Variants in TACR1 observed in about 807,000 individuals in gnomAD.
The protein encoded by TACR1 is tachykinin receptor 1, also known as substance-P receptor.
TACR1 carries 25 observed loss-of-function variants against 35.8 expected under a neutral mutation model. That is an observed-to-expected ratio of 0.70 (90% CI 0.51 to 0.98). TACR1 has a LOEUF of 0.98. Among genes scored for constraint, TACR1 ranks in the 50% least tolerant of loss-of-function variants. The probability of loss-of-function intolerance (pLI) is 0.00; values close to 1 mark genes in which losing one functional copy is unlikely to be tolerated. For synonymous variants in TACR1, 195 were observed against 206.7 expected (o/e 0.94, Z 0.48); for missense variants, 478 against 522.9 (o/e 0.91, Z 0.84).
At chr2:75,151,003 A>G (rs1674657566) in intron 1 of TACR1, among the ~76,000 whole-genome samples, 1 of 152,222 alleles carries the variant, frequency 6.6e-6, no homozygotes, top group Non-Finnish European at 1.5e-5. Context: ...TGGAACTTTG[A>G]ACTTGAAAGA....
intron 1 of TACR1, among the ~76,000 whole-genome samples, chr2:75,176,301 A>C (rs1342214364): frequency 2.0e-5 from 3 of 151,294 alleles, no homozygotes; most frequent in Non-Finnish European, 4.4e-5. Context: ...AATTTTTTTC[A>C]TTATAGTAAA....
At chr2:75,151,168 C>A (rs1558570563) in intron 1 of TACR1, among the ~76,000 whole-genome samples, 1 of 152,188 alleles carries the variant, frequency 6.6e-6, no homozygotes, top group Non-Finnish European at 1.5e-5. Flanking sequence ...AAGAAAAACT[C>A]ATTTTCTGGG....
In TACR1 at chr2:75,183,520, G is replaced by A. The variant is rs184712698; in HGVS notation, c.389+15026C>T. On this transcript the variant is annotated intron_variant, in intron 1 of 4. Coordinates refer to ENST00000305249, the MANE Select transcript of TACR1 (RefSeq NM_001058.4). Reference sequence around the variant, plus strand: ...TTGCTATACTGTGCTTATCTGTTACGTTTCCCTGGGTTTTGTCAACATCTG... The same window carrying A: ...TTGCTATACTGTGCTTATCTGTTACATTTCCCTGGGTTTTGTCAACATCTG... Among the ~76,000 whole-genome samples, 192 of 152,224 alleles carry A rather than the reference G, an allele frequency of 1.3e-3. 1 individual carries two copies. The highest frequency in any genetic ancestry group is 3.4e-3 in the Middle Eastern group (1 of 294).
intron 2 of TACR1, among the ~76,000 whole-genome samples, chr2:75,111,697 G>T (rs1433072871): frequency 2.6e-5 from 4 of 151,934 alleles, no homozygotes; most frequent in Non-Finnish European, 4.4e-5. Flanking sequence ...AACAGAAAAA[G>T]TCAGAATAGG....
intron 1 of TACR1, among the ~76,000 whole-genome samples, chr2:75,124,157 T>G (rs751998880): frequency 1.3e-5 from 2 of 152,180 alleles, no homozygotes; most frequent in African/African-American, 2.4e-5. Context: ...CAGGACTGAT[T>G]TGAATTGTAT....
intron 2 of TACR1, among the ~76,000 whole-genome samples, chr2:75,075,486 G>C (rs1481445840): frequency 2.0e-5 from 3 of 152,210 alleles, no homozygotes; most frequent in Non-Finnish European, 2.9e-5. Flanking sequence ...TAATGCTTTA[G>C]TTCACAAGAT....
At chr2:75,087,463 A>G (rs565580830) in intron 2 of TACR1, among the ~76,000 whole-genome samples, 1 of 152,332 alleles carries the variant, frequency 6.6e-6, no homozygotes, top group East Asian at 1.9e-4. Context: ...GATGGTTGCA[A>G]ACAACAATCA....
chr2:75,188,919 A>C (rs568056586), intron 1 of TACR1: 2 of 152,364 alleles, frequency 1.3e-5, no homozygotes, highest in African/African-American at 4.8e-5. Context: ...AATAGGATAC[A>C]TCCAGAAAAA....
At chr2:75,143,882 T>C (rs1321898377) in intron 1 of TACR1, among the ~76,000 whole-genome samples, 1 of 152,146 alleles carries the variant, frequency 6.6e-6, no homozygotes, top group Non-Finnish European at 1.5e-5. Flanking sequence ...TCTGTGCATA[T>C]GAAGGAAAAG....
intron 2 of TACR1, among the ~76,000 whole-genome samples, chr2:75,103,385 G>C (rs913104264): frequency 6.6e-6 from 1 of 152,038 alleles, no homozygotes; most frequent in African/African-American, 2.4e-5. Flanking sequence ...TCGAATCCCT[G>C]TAAGTATGGA....
intron 2 of TACR1, among the ~76,000 whole-genome samples, chr2:75,111,008 G>T (rs1673739186): frequency 6.6e-6 from 1 of 151,828 alleles, no homozygotes; most frequent in Non-Finnish European, 1.5e-5. Context: ...ACATTATTTG[G>T]AATATAATTT....
chr2:75,193,781 T>A (rs1675904967), intron 1 of TACR1, among the ~76,000 whole-genome samples: 1 of 152,212 alleles, frequency 6.6e-6, no homozygotes, highest in African/African-American at 2.4e-5. Context: ...TTGTCTCCTA[T>A]GGAATATATC....
At chr2:75,163,262 G>C (rs1467958912) in intron 1 of TACR1, among the ~76,000 whole-genome samples, 1 of 152,198 alleles carries the variant, frequency 6.6e-6, no homozygotes, top group Non-Finnish European at 1.5e-5. Flanking sequence ...GTCAGGGTTT[G>C]TCTATGGCAA....
intron 1 of TACR1, among the ~76,000 whole-genome samples, chr2:75,152,890 CT>C (rs1172399081): frequency 3.9e-5 from 6 of 152,114 alleles, no homozygotes; most frequent in Admixed American, 6.5e-5. Flanking sequence ...GGGGCCAAGA[CT>C]TCTTTTTTGT....
At chr2:75,198,044 G>A (rs991031534) in intron 1 of TACR1, among the ~76,000 whole-genome samples, 1 of 152,106 alleles carries the variant, frequency 6.6e-6, no homozygotes, top group Admixed American at 6.5e-5. Flanking sequence ...ACAACAAACT[G>A]GAGAGTTGCA....
At position 75,178,140 on chromosome 2, in the gene TACR1, C is replaced by T. The variant is rs531288790; in HGVS notation, c.389+20406G>A. On this transcript the variant is annotated intron_variant, in intron 1 of 4. Coordinates refer to ENST00000305249, the MANE Select transcript of TACR1 (RefSeq NM_001058.4). ...TGCTCACTTAAAACCTTTGCTCCTA[C>T]ATTCATTCATCCCTCACTAGCATCA... Among the ~76,000 whole-genome samples, 544 of 152,202 alleles carry T rather than the reference C, an allele frequency of 3.6e-3. 2 individuals carry two copies. The highest frequency in any genetic ancestry group is 0.012 in the African/African-American group (515 of 41,536).
intron 1 of TACR1, among the ~76,000 whole-genome samples, chr2:75,139,811 C>T (rs3771833): frequency 0.14 from 21,375 of 152,060 alleles, 1,644 homozygotes; most frequent in Middle Eastern, 0.22. Context: ...ATACTAACAT[C>T]GCATTCAGAA....
At chr2:75,117,978 C>T (rs577458765) in intron 2 of TACR1, among the ~76,000 whole-genome samples, 1 of 152,248 alleles carries the variant, frequency 6.6e-6, no homozygotes, top group East Asian at 1.9e-4. Flanking sequence ...AGGCTCAGAG[C>T]CTTAAATTGC....
chr2:75,133,987 G>A (rs1674228450), intron 1 of TACR1, among the ~76,000 whole-genome samples: 1 of 152,158 alleles, frequency 6.6e-6, no homozygotes, highest in East Asian at 1.9e-4. Flanking sequence ...ATGACTTCTG[G>A]TCGTCCTCAC....
Sources: gnomAD v4.1 joint callset for allele counts (sites outside exome capture counted in the v4.1 genomes callset) on GRCh38, gnomAD v4.1.1 for gene constraint, MANE v1.5 for transcripts, NCBI Gene and HGNC (gene_info 2026-07-23, HGNC 2026-07-21) for gene names.